ODAD4: variants seen among roughly 807,000 people sequenced by gnomAD.
ODAD4 encodes the protein outer dynein arm-docking complex subunit 4.
Under a neutral mutation model 51.8 loss-of-function variants are expected in ODAD4, and 49 were observed. The observed-to-expected ratio is 0.95, with a 90% confidence interval of 0.75 to 1.20. The LOEUF (loss-of-function observed/expected upper bound fraction) is 1.20, where lower values mean the gene tolerates loss of function less well. ODAD4 is among the 50% of genes most tolerant of loss of function. The pLI, the probability that ODAD4 is intolerant of heterozygous loss-of-function variation, is 0.00. For missense variants in ODAD4, 590 were observed against 586.5 expected, an observed-to-expected ratio of 1.01 and a Z score of -0.06; for synonymous variants, 235 against 221.3, an observed-to-expected ratio of 1.06 and a Z score of -0.55.
intron 7 of ODAD4, among the ~76,000 whole-genome samples, chr17:41,944,876 T>G (rs2050565357): frequency 1.3e-5 from 2 of 152,202 alleles, no homozygotes; most frequent in South Asian, 2.1e-4. Flanking sequence ...TTGAGGTAGA[T>G]TCCTAGAAAG....
At chr17:41,954,178 G>A (rs1356920791) in intron 9 of ODAD4, among the ~76,000 whole-genome samples, 1 of 151,708 alleles carries the variant, frequency 6.6e-6, no homozygotes, top group Non-Finnish European at 1.5e-5. Flanking sequence ...TAGAGATGGG[G>A]ATGTCACCAT....
In ODAD4 at chr17:41,935,671, G is replaced by C. The variant is rs782525120; in HGVS notation, c.319G>C (p.Gly107Arg). 5.6e-6 allele frequency: 9 copies of C among 1,613,668 alleles called. No homozygotes were observed. The highest frequency in any genetic ancestry group is 1.3e-5 in the African/African-American group (1 of 74,938). ...FEFALVFYHRGYKLRPDREFR... is the reference protein window; with the variant it reads ...FEFALVFYHRRYKLRPDREFR... Reference sequence around the variant, plus strand: ...GTTTGCCTTGGTATTCTATCATCGAGGCTACAAGCTGAGGCCTGATCGGGA... The same window carrying C: ...GTTTGCCTTGGTATTCTATCATCGACGCTACAAGCTGAGGCCTGATCGGGA... The change falls in exon 3 of 12, where the codon GGC (glycine) becomes CGC (arginine). Residue 107 changes from glycine to arginine, a missense_variant. Coordinates refer to ENST00000377540, the MANE Select transcript of ODAD4 (RefSeq NM_031421.5).
intron 10 of ODAD4, among the ~76,000 whole-genome samples, chr17:41,955,539 G>A (rs2050719571): frequency 6.6e-6 from 1 of 152,126 alleles, no homozygotes; most frequent in Admixed American, 6.5e-5. Context: ...CCATTCTCCT[G>A]CCTCAGCCTC....
intron 9 of ODAD4, among the ~76,000 whole-genome samples, chr17:41,953,218 G>A (rs568578190): frequency 1.3e-5 from 2 of 152,124 alleles, no homozygotes; most frequent in Admixed American, 1.3e-4. Flanking sequence ...CCACCACCAT[G>A]CCTGGCTAAT....
intron 11 of ODAD4, among the ~76,000 whole-genome samples, chr17:41,963,792 G>A (rs1305063807): frequency 6.9e-6 from 1 of 144,434 alleles, no homozygotes; most frequent in Non-Finnish European, 1.5e-5. Flanking sequence ...TTGAAATGGA[G>A]TCTCCCCTCT....
intron 10 of ODAD4, among the ~76,000 whole-genome samples, chr17:41,956,712 G>A (rs548111297): frequency 6.6e-6 from 1 of 151,966 alleles, no homozygotes; most frequent in East Asian, 1.9e-4. Flanking sequence ...TCTCACCCCT[G>A]CACTCCAGCC....
At position 41,958,326 on chromosome 17, in the gene ODAD4, A is replaced by G. The variant is rs1487829200; in HGVS notation, c.1443+3009A>G. Among the ~76,000 whole-genome samples, 3 of 152,012 alleles carry G rather than the reference A, an allele frequency of 2.0e-5. 1 individual carries two copies. The East Asian group carries it at 5.8e-4, about 29-fold the overall frequency. On this transcript the variant is annotated intron_variant, in intron 10 of 11. Transcript: ENST00000377540. ...TGCACTTGTAATTGCCTAGACTTCC[A>G]TTGCTTAAGGAGGCAGCTGCTAGCC...
At chr17:41,964,947 A>G (rs1190196937) in intron 11 of ODAD4, 46 bp from the exon 12 acceptor site, 2 of 662,862 alleles carry the variant, frequency 3.0e-6, no homozygotes, top group Admixed American at 4.8e-5. Context: ...CCGGCCTGAC[A>G]TGAACAAACT....
At position 41,953,123 on chromosome 17, in the gene ODAD4, C is replaced by T. The variant is rs552911632; in HGVS notation, c.1343-2094C>T. 2.6e-5 allele frequency among the ~76,000 whole-genome samples: 4 copies of T among 152,176 alleles called. No homozygotes were observed. In the South Asian group the frequency reaches 8.3e-4, roughly 32 times the overall value. On this transcript the variant is annotated intron_variant, in intron 9 of 11. Coordinates refer to ENST00000377540, the MANE Select transcript of ODAD4 (RefSeq NM_031421.5). ...TCACCCAGGCTGGAGTGCAGTGGTGCAATCTCAGCTCAGTGCAACCTCTGC... is the reference window on the plus strand; with the variant it reads ...TCACCCAGGCTGGAGTGCAGTGGTGTAATCTCAGCTCAGTGCAACCTCTGC...
intron 1 of ODAD4, among the ~76,000 whole-genome samples, chr17:41,932,131 G>T (rs1277004136): frequency 6.6e-6 from 1 of 151,856 alleles, no homozygotes; most frequent in Admixed American, 6.6e-5. Context: ...GTGCAGTGGC[G>T]CAATCTCGGC....
intron 10 of ODAD4, among the ~76,000 whole-genome samples, chr17:41,960,473 AAAAAC>A (rs1555641544): frequency 7.2e-5 from 11 of 152,172 alleles, no homozygotes; most frequent in Non-Finnish European, 2.9e-5. Context: ...CAAACAAACA[AAAAAC>A]AAAGCACAAA....
intron 8 of ODAD4, among the ~76,000 whole-genome samples, chr17:41,945,451 G>A (rs1259043697): frequency 1.3e-5 from 2 of 151,940 alleles, no homozygotes; most frequent in Non-Finnish European, 2.9e-5. Flanking sequence ...GGTTGAGGCT[G>A]CAGTGAGACA....
intron 10 of ODAD4, among the ~76,000 whole-genome samples, chr17:41,958,487 C>G (rs1482299477): frequency 1.3e-5 from 2 of 151,312 alleles, no homozygotes; most frequent in African/African-American, 2.4e-5. Context: ...ATGGTGAAAC[C>G]CCATCTCTAT....
At chr17:41,961,979 C>T (rs931980313) in intron 11 of ODAD4, among the ~76,000 whole-genome samples, 2 of 152,266 alleles carry the variant, frequency 1.3e-5, no homozygotes, top group Non-Finnish European at 2.9e-5. Context: ...CAAAAGATGC[C>T]CAGGAGTTTT....
At chr17:41,949,934 A>T (rs2050631949) in intron 9 of ODAD4, among the ~76,000 whole-genome samples, 1 of 152,032 alleles carries the variant, frequency 6.6e-6, no homozygotes, top group African/African-American at 2.4e-5. Flanking sequence ...TCGGCCTCCC[A>T]AAGTGCTAGG....
intron 10 of ODAD4, among the ~76,000 whole-genome samples, chr17:41,956,047 C>CT (rs71357524): frequency 0.088 from 11,005 of 124,896 alleles, 813 homozygotes; most frequent in Non-Finnish European, 0.13. Flanking sequence ...CTGTACTTAG[C>CT]TTTTTTTTTT....
chr17:41,953,143 C>T (rs779896529), intron 9 of ODAD4, among the ~76,000 whole-genome samples: 4 of 151,796 alleles, frequency 2.6e-5, no homozygotes, highest in African/African-American at 4.8e-5. Context: ...TCAGTGCAAC[C>T]TCTGCCTTCC....
intron 7 of ODAD4, among the ~76,000 whole-genome samples, chr17:41,941,359 A>G (rs1555638662): frequency 6.6e-6 from 1 of 152,210 alleles, no homozygotes. Context: ...GGCCCCAGCC[A>G]GTGCAGAGCT....
rs1567929364 is a variant in ODAD4, at chr17:41,936,917, A to G, written c.615A>G (p.Leu205=). The G allele has an allele frequency of 1.2e-6, 2 of 1,613,840 alleles. No individual in the cohort carries two copies. The highest frequency in any genetic ancestry group is 1.7e-6 in the Non-Finnish European group (2 of 1,179,776). Reference sequence around the variant, plus strand: ...ACAAAGAGTATTTGGAGAAGCTCCTATTGGATGAAGGTTTCGGACACTTTG... The same window carrying G: ...ACAAAGAGTATTTGGAGAAGCTCCTGTTGGATGAAGGTTTCGGACACTTTG... ...YVDKEYLEKL[L]LDEDLIKGTM... is the part of the protein sequence containing the mutation. The change falls in exon 5 of 12, where the codon CTA becomes CTG. Residue 205 remains leucine, a synonymous_variant. Coordinates refer to ENST00000377540, the MANE Select transcript of ODAD4 (RefSeq NM_031421.5).
Sources: gnomAD v4.1 joint callset for allele counts (sites outside exome capture counted in the v4.1 genomes callset) on GRCh38, gnomAD v4.1.1 for gene constraint, MANE v1.5 for transcripts, NCBI Gene and HGNC (gene_info 2026-07-23, HGNC 2026-07-21) for gene names.